TSPAN8: variants seen among roughly 807,000 people sequenced by gnomAD.
The protein encoded by TSPAN8 is tetraspanin 8, also known as tetraspanin-8.
A neutral mutation model predicts 32.8 loss-of-function variants in TSPAN8; 21 were observed. That is an observed-to-expected ratio of 0.64 (90% CI 0.45 to 0.92). TSPAN8 has a LOEUF of 0.92. Among genes scored for constraint, TSPAN8 ranks in the 40% least tolerant of loss-of-function variants. The pLI is 0.00. For missense variants in TSPAN8, 269 were observed against 281.9 expected, an observed-to-expected ratio of 0.95 and a Z score of 0.33; for synonymous variants, 95 against 94.6, an observed-to-expected ratio of 1.00 and a Z score of -0.03.
intron 7 of TSPAN8, among the ~76,000 whole-genome samples, chr12:71,132,078 G>A (rs1044012701): frequency 2.6e-5 from 4 of 152,172 alleles, no homozygotes; most frequent in Admixed American, 2.0e-4. Flanking sequence ...ACATTCACAA[G>A]TCACATAAAT....
intron 3 of TSPAN8, among the ~76,000 whole-genome samples, 176 bp from the exon 4 acceptor site, chr12:71,140,024 G>A (rs1009798301): frequency 1.4e-5 from 1 of 73,552 alleles, no homozygotes; most frequent in African/African-American, 6.2e-5. Flanking sequence ...ACATTCTATT[G>A]AAGTGCTTAT....
intron 6 of TSPAN8, among the ~76,000 whole-genome samples, chr12:71,133,119 C>G (rs1871572978): frequency 6.6e-6 from 1 of 152,078 alleles, no homozygotes; most frequent in African/African-American, 2.4e-5. Flanking sequence ...GAGTCTTGCT[C>G]TGTCACCAGG....
chr12:71,152,085 T>A (rs1233202715), intron 2 of TSPAN8, among the ~76,000 whole-genome samples: 1 of 152,234 alleles, frequency 6.6e-6, no homozygotes, highest in Non-Finnish European at 1.5e-5. Context: ...TGATGGTCAG[T>A]CCTTGGTTAC....
chr12:71,130,941 C>A (rs1393365063), intron 7 of TSPAN8, among the ~76,000 whole-genome samples: 3 of 152,196 alleles, frequency 2.0e-5, no homozygotes, highest in African/African-American at 7.2e-5. Context: ...GAATTTACAA[C>A]CTTCCTTTTG....
intron 8 of TSPAN8, among the ~76,000 whole-genome samples, chr12:71,128,210 T>C (rs1261487769): frequency 6.6e-6 from 1 of 152,174 alleles, no homozygotes; most frequent in African/African-American, 2.4e-5. Flanking sequence ...AAGAAAGTAA[T>C]AACCCACAGT....
At chr12:71,142,851 A>AC (rs1555195663) in intron 3 of TSPAN8, among the ~76,000 whole-genome samples, 1,340 of 126,734 alleles carry the variant, frequency 0.011, 12 homozygotes, top group Admixed American at 0.015. Flanking sequence ...AAAAAACAAA[A>AC]AAAAAAAAAA....
At chr12:71,157,867 C>A (rs950151251) in intron 1 of TSPAN8, 63 bp downstream of exon 1, 4 of 570,852 alleles carry the variant, frequency 7.0e-6, no homozygotes, top group Non-Finnish European at 1.2e-5. Context: ...TTAACCCACA[C>A]ATTTAAATAT....
intron 8 of TSPAN8, among the ~76,000 whole-genome samples, chr12:71,125,866 G>T (rs1442452711): frequency 1.5e-5 from 2 of 133,198 alleles, no homozygotes; most frequent in Non-Finnish European, 3.6e-5. Context: ...ATTTCCAAGA[G>T]GAATAAAAAA....
At position 71,156,643 on chromosome 12, in the gene TSPAN8, T is replaced by G. The variant is rs568987822; in HGVS notation, c.60+976A>C. 2.6e-5 allele frequency among the ~76,000 whole-genome samples: 4 copies of G among 152,348 alleles called. No homozygotes were observed. The East Asian group carries it at 7.7e-4, about 29-fold the overall frequency. Reference sequence around the variant, plus strand: ...TTAAGTTTAATTAAGTTCATCATTATTTTAATAGAACAGAAATATAGCAAC... The same window carrying G: ...TTAAGTTTAATTAAGTTCATCATTAGTTTAATAGAACAGAAATATAGCAAC... On this transcript the variant is annotated intron_variant, in intron 2 of 8. Transcript: ENST00000247829.
Position 71,157,697 on chromosome 12 carries a change from A to C in TSPAN8, c.-19T>G, listed in dbSNP as rs1872490710. On this transcript the variant is annotated 5_prime_UTR_variant, in exon 2 of 9. Transcript: ENST00000247829. ...CTGCCATTTCGGAAAAGGATTAGGA[A>C]TCCAGATGCCGTGAATTTAACTATT... 1 of 1,601,380 alleles carries C rather than the reference A, an allele frequency of 6.2e-7. No individual in the cohort carries two copies. The highest frequency in any genetic ancestry group is 8.6e-7 in the Non-Finnish European group (1 of 1,168,534).
Position 71,125,336 on chromosome 12 carries a change from A to G in TSPAN8, c.712T>C (p.Ter238ArgextTer14), listed in dbSNP as rs142546239. 4.6e-4 allele frequency: 743 copies of G among 1,611,918 alleles called. No homozygotes were observed. Among genetic ancestry groups the G allele is most frequent in the Non-Finnish European group, 5.5e-4 (646 of 1,179,166 alleles). ...GATAGGTTGATGCATCCACAGATTCATTTGTTCCCGATCTGGCAATACAGG... is the reference window on the plus strand; with the variant it reads ...GATAGGTTGATGCATCCACAGATTCGTTTGTTCCCGATCTGGCAATACAGG... ...MVLYCQIGNK* is the reference protein window; with the variant it reads ...MVLYCQIGNKR The change falls in exon 9 of 9, where the codon TGA becomes CGA. Residue 238 changes from the stop codon to arginine (R), a stop_lost. Transcript: ENST00000247829.
At chr12:71,130,053 A>G (rs1174796335) in intron 7 of TSPAN8, among the ~76,000 whole-genome samples, 3 of 151,472 alleles carry the variant, frequency 2.0e-5, no homozygotes, top group Non-Finnish European at 4.4e-5. Flanking sequence ...CCTGGGCTCA[A>G]GTGATCCTCC....
intron 3 of TSPAN8, among the ~76,000 whole-genome samples, chr12:71,142,900 C>T (rs1592406472): frequency 1.3e-5 from 2 of 151,412 alleles, no homozygotes; most frequent in East Asian, 3.9e-4. Context: ...GAAAAGCCAC[C>T]CACTGCAGCG....
chr12:71,127,448 A>G (rs1871382507), intron 8 of TSPAN8, among the ~76,000 whole-genome samples: 1 of 152,154 alleles, frequency 6.6e-6, no homozygotes, highest in African/African-American at 2.4e-5. Flanking sequence ...TCAAACAATT[A>G]TTTGAACCAA....
chr12:71,141,303 T>C (rs556719085), intron 3 of TSPAN8, among the ~76,000 whole-genome samples: 6 of 152,330 alleles, frequency 3.9e-5, no homozygotes, highest in African/African-American at 1.4e-4. Context: ...GTTTTTATTG[T>C]TTTCTCATTA....
intron 2 of TSPAN8, among the ~76,000 whole-genome samples, chr12:71,148,392 T>TA (rs1329342302): frequency 6.6e-6 from 1 of 152,180 alleles, no homozygotes; most frequent in African/African-American, 2.4e-5. Flanking sequence ...GTTCATGCAT[T>TA]ATTTGCTTGT....
At chr12:71,155,571 T>C (rs542626888) in intron 2 of TSPAN8, among the ~76,000 whole-genome samples, 42 of 152,232 alleles carry the variant, frequency 2.8e-4, no homozygotes, top group Non-Finnish European at 5.7e-4. Flanking sequence ...GTGTGGACCT[T>C]ATTTAGATCC....
At chr12:71,139,629 G>A (rs938055462) in intron 4 of TSPAN8, 82 bp downstream of exon 4, 32 of 1,500,282 alleles carry the variant, frequency 2.1e-5, no homozygotes, top group East Asian at 1.4e-4. Context: ...ATCATGGCAC[G>A]TTCTTTTAAC....
chr12:71,136,459 T>A (rs1871700864), intron 6 of TSPAN8, among the ~76,000 whole-genome samples: 1 of 152,156 alleles, frequency 6.6e-6, no homozygotes, highest in African/African-American at 2.4e-5. Flanking sequence ...AATTCAAGCC[T>A]CTCCTAAGAT....
Sources: allele counts gnomAD v4.1 joint callset (sites outside exome capture counted in the v4.1 genomes callset), GRCh38; gene constraint gnomAD v4.1.1; transcripts MANE v1.5; gene names NCBI Gene and HGNC (gene_info 2026-07-23, HGNC 2026-07-21).